RYR2: variants seen among roughly 807,000 people sequenced by gnomAD.
RYR2 encodes the protein ryanodine receptor 2, also known as cardiac muscle ryanodine receptor-calcium release channel.
RYR2 carries 227 observed loss-of-function variants against 601.1 expected under a neutral mutation model. The observed-to-expected ratio is 0.38, with a 90% CI of 0.34 to 0.42. The LOEUF (loss-of-function observed/expected upper bound fraction) is 0.42, where lower values mean the gene tolerates loss of function less well. Among genes scored for constraint, RYR2 ranks in the 10% least tolerant of loss-of-function variants. The pLI is 1.00. For missense variants in RYR2, 4,646 were observed against 6,156.5 expected (o/e 0.75, Z 8.21); for synonymous variants, 2,223 against 2,175.1 (o/e 1.02, Z -0.61).
chr1:237,782,082 C>T (rs1212482113), intron 89 of RYR2, among the ~76,000 whole-genome samples: 1 of 152,134 alleles, frequency 6.6e-6, no homozygotes, highest in South Asian at 2.1e-4. Flanking sequence ...AAGCCTCTGT[C>T]CCCCAGGGCA....
chr1:237,269,295 G>A (rs547435290), intron 1 of RYR2, among the ~76,000 whole-genome samples: 34 of 151,550 alleles, frequency 2.2e-4, no homozygotes, highest in Middle Eastern at 6.8e-3. Context: ...CGCCTGCCTC[G>A]GCCTCCCAAA....
intron 63 of RYR2, among the ~76,000 whole-genome samples, chr1:237,697,214 A>G (rs1330787431): frequency 6.7e-6 from 1 of 150,050 alleles, no homozygotes; most frequent in Admixed American, 6.7e-5. Context: ...TCTCAGATAC[A>G]TGGATGGTTT....
At chr1:237,382,449 C>A (rs1460492996) in intron 8 of RYR2, among the ~76,000 whole-genome samples, 1 of 151,920 alleles carries the variant, frequency 6.6e-6, no homozygotes, top group African/African-American at 2.4e-5. Flanking sequence ...CATATGTATA[C>A]ATGTGCCATG....
intron 2 of RYR2, among the ~76,000 whole-genome samples, chr1:237,316,124 T>G (rs768632325): frequency 1.3e-5 from 2 of 152,158 alleles, no homozygotes; most frequent in Non-Finnish European, 2.9e-5. Context: ...TAAAAACAAC[T>G]AATTTTAGAA....
At chr1:237,216,691 G>A (rs569138178) in intron 1 of RYR2, among the ~76,000 whole-genome samples, 2 of 150,198 alleles carry the variant, frequency 1.3e-5, no homozygotes, top group African/African-American at 4.9e-5. Context: ...GAGCGAGATC[G>A]TACTATTGCA....
At chr1:237,430,625 A>G (rs1415378890) in intron 12 of RYR2, among the ~76,000 whole-genome samples, 1 of 152,202 alleles carries the variant, frequency 6.6e-6, no homozygotes, top group Non-Finnish European at 1.5e-5. Context: ...GGCTATTACA[A>G]TAGTCATATT....
intron 17 of RYR2, among the ~76,000 whole-genome samples, chr1:237,485,084 T>C (rs1195080533): frequency 6.6e-6 from 1 of 152,188 alleles, no homozygotes; most frequent in African/African-American, 2.4e-5. Flanking sequence ...TTTCCTCAAA[T>C]TGAAACACAG....
At chr1:237,765,008 T>C (rs1693738506) in intron 84 of RYR2, among the ~76,000 whole-genome samples, 1 of 151,986 alleles carries the variant, frequency 6.6e-6, no homozygotes, top group African/African-American at 2.4e-5. Flanking sequence ...ATACTAAGTT[T>C]CTCTCATTTC....
chr1:237,679,797 C>T (rs185741306), intron 61 of RYR2, among the ~76,000 whole-genome samples: 8 of 152,224 alleles, frequency 5.3e-5, no homozygotes, highest in Admixed American at 5.2e-4. Flanking sequence ...TTGAGATCTA[C>T]AGGAGGACCA....
chr1:237,292,297 A>G (rs1489423411), intron 2 of RYR2, among the ~76,000 whole-genome samples: 5 of 152,260 alleles, frequency 3.3e-5, no homozygotes, highest in Admixed American at 2.6e-4. Context: ...CAAATTGGAG[A>G]TGAACAGTAT....
chr1:237,484,855 A>G (rs1046697165), intron 17 of RYR2, among the ~76,000 whole-genome samples: 1 of 152,232 alleles, frequency 6.6e-6, no homozygotes, highest in Non-Finnish European at 1.5e-5. Context: ...GCACTTGGCC[A>G]CAGCTCCCAA....
chr1:237,253,355 T>A (rs1335602357), intron 1 of RYR2, among the ~76,000 whole-genome samples: 1 of 152,226 alleles, frequency 6.6e-6, no homozygotes, highest in Admixed American at 6.5e-5. Context: ...AACCTGGTTC[T>A]GATTTGGCTT....
At chr1:237,816,080 C>T (rs1472668536) in intron 100 of RYR2, among the ~76,000 whole-genome samples, 2 of 152,098 alleles carry the variant, frequency 1.3e-5, no homozygotes, top group African/African-American at 4.8e-5. Flanking sequence ...GGATGGAGAG[C>T]TAGGACATTC....
intron 86 of RYR2, among the ~76,000 whole-genome samples, chr1:237,772,873 A>T (rs2149317298): frequency 6.6e-6 from 1 of 152,276 alleles, no homozygotes; most frequent in East Asian, 1.9e-4. Flanking sequence ...AATTGTCTGA[A>T]AACCCAAATG....
chr1:237,378,708 A>G (rs1402032377), intron 8 of RYR2, among the ~76,000 whole-genome samples: 1 of 152,234 alleles, frequency 6.6e-6, no homozygotes, highest in African/African-American at 2.4e-5. Context: ...TGTTCTATAA[A>G]CATGAAATAG....
chr1:237,344,535 T>C (rs527635741), intron 3 of RYR2, among the ~76,000 whole-genome samples: 247 of 152,294 alleles, frequency 1.6e-3, no homozygotes, highest in Middle Eastern at 6.8e-3. Context: ...TTCAAAAGTT[T>C]ACCACCCCTC....
intron 14 of RYR2, among the ~76,000 whole-genome samples, chr1:237,446,300 A>G (rs571817107): frequency 1.2e-4 from 19 of 152,270 alleles, no homozygotes; most frequent in Non-Finnish European, 2.9e-5. Flanking sequence ...GACTTGCGAG[A>G]GATTGCATTT....
chr1:237,319,468 T>A (rs780384419), intron 2 of RYR2, among the ~76,000 whole-genome samples: 32 of 152,236 alleles, frequency 2.1e-4, no homozygotes, highest in Non-Finnish European at 1.3e-4. Flanking sequence ...TGGGTTTTTT[T>A]ATTTTTTCTT....
intron 24 of RYR2, among the ~76,000 whole-genome samples, chr1:237,512,664 G>A (rs541541883): frequency 5.8e-4 from 88 of 152,310 alleles, no homozygotes; most frequent in South Asian, 3.5e-3. Flanking sequence ...CTTGAGCCCA[G>A]GAGTTTGAGA....
Sources: gnomAD v4.1 joint callset for allele counts (sites outside exome capture counted in the v4.1 genomes callset) on GRCh38, gnomAD v4.1.1 for gene constraint, MANE v1.5 for transcripts, NCBI Gene and HGNC (gene_info 2026-07-23, HGNC 2026-07-21) for gene names.